Variants in PNISR observed in about 807,000 individuals in gnomAD.
The protein encoded by PNISR is PNN interacting serine and arginine rich protein, also known as arginine/serine-rich protein PNISR.
Under a neutral mutation model 93.4 loss-of-function variants are expected in PNISR, and 20 were observed. The observed-to-expected ratio is 0.21, with a 90% CI of 0.15 to 0.31. The LOEUF is 0.31. Among genes scored for constraint, PNISR ranks in the 10% least tolerant of loss-of-function variants. The pLI, the probability that PNISR is intolerant of heterozygous loss-of-function variation, is 1.00. For missense variants in PNISR, 893 were observed against 985.4 expected, an observed-to-expected ratio of 0.91 and a Z score of 1.25; for synonymous variants, 305 against 306.5, an observed-to-expected ratio of 0.99 and a Z score of 0.05.
chr6:99,424,259 G>A (rs1259402187), intron 1 of PNISR, among the ~76,000 whole-genome samples: 1 of 152,186 alleles, frequency 6.6e-6, no homozygotes. Flanking sequence ...ATGGACCTTA[G>A]TTAATAATTT....
chr6:99,420,047 G>T (rs1336652931), intron 1 of PNISR, among the ~76,000 whole-genome samples: 1 of 152,068 alleles, frequency 6.6e-6, no homozygotes, highest in Non-Finnish European at 1.5e-5. Context: ...ACCACGCCCG[G>T]CTAATTTTTT....
At chr6:99,412,175 A>G in intron 4 of PNISR, 1 of 448,216 alleles carries the variant, frequency 2.2e-6, no homozygotes, top group Non-Finnish European at 4.5e-6. Flanking sequence ...CAGTGACACA[A>G]TTTTTCTTTA....
At position 99,411,001 on chromosome 6, in the gene PNISR, G is replaced by T; in HGVS notation, c.278-37C>A. The T allele has an allele frequency of 1.4e-6, 2 of 1,457,308 alleles. No individual in the cohort carries two copies. The highest frequency in any genetic ancestry group is 1.9e-6 in the Non-Finnish European group (2 of 1,042,594). The allele number at this position is 1,457,308 out of a possible 1,614,324, so 90.3% of individuals were successfully genotyped here. A position where few individuals can be genotyped will look rare whatever the true frequency, so the allele number is the denominator to read the frequency against. ...TTAGGCATAAAAACATTCAACAGGC[G>T]GTTATAACAAAATCAACACAGAATT... On this transcript the variant is annotated intron_variant, in intron 4 of 11. Coordinates refer to ENST00000369239, the MANE Select transcript of PNISR (RefSeq NM_032870.4).
rs901260776 is a variant in PNISR at position 99,398,050 on chromosome 6, G to A, written c.*2490C>T. On this transcript the variant is annotated 3_prime_UTR_variant, in exon 12 of 12. Transcript: ENST00000369239. ...AGTGGCAGAAAACATATACACTAAC[G>A]AGATTCCACACCAATTTTTATTTAT... 2 of 152,060 alleles carry A rather than the reference G, an allele frequency of 1.3e-5. No individual in the cohort carries two copies. Among genetic ancestry groups the A allele is most frequent in the African/African-American group, 4.8e-5 (2 of 41,400 alleles). The allele number at this position is 152,060 out of a possible 1,614,324, so 9.4% of individuals were successfully genotyped here.
At chr6:99,414,214 G>A (rs925390745) in intron 3 of PNISR, among the ~76,000 whole-genome samples, 1 of 152,170 alleles carries the variant, frequency 6.6e-6, no homozygotes, top group African/African-American at 2.4e-5. Context: ...ATTTTAAAAT[G>A]ATATAGCACA....
At chr6:99,410,172 G>C (rs897392970) in intron 5 of PNISR, 1 of 152,390 alleles carries the variant, frequency 6.6e-6, no homozygotes, top group African/African-American at 2.4e-5. Context: ...CCCTGGCAGA[G>C]GGAATGAAGT....
At chr6:99,402,436 T>G (rs1302394038) in intron 11 of PNISR, 104 bp downstream of exon 11, 1 of 851,530 alleles carries the variant, frequency 1.2e-6, no homozygotes, top group African/African-American at 1.7e-5. Flanking sequence ...CACATATTAT[T>G]TATAATATAG....
At chr6:99,414,773 T>TA (rs1777446499) in intron 2 of PNISR, 83 bp from the exon 3 acceptor site, 1 of 590,364 alleles carries the variant, frequency 1.7e-6, no homozygotes, top group African/African-American at 1.9e-5. Flanking sequence ...TATATGATGA[T>TA]ACATTTATTT....
intron 1 of PNISR, among the ~76,000 whole-genome samples, chr6:99,417,421 T>C (rs1377868298): frequency 6.6e-6 from 1 of 152,224 alleles, no homozygotes; most frequent in African/African-American, 2.4e-5. Context: ...TGGTTCAGGA[T>C]GCCTACCTAC....
At position 99,401,072 on chromosome 6, in the gene PNISR, T is replaced by C. The variant is rs563273785; in HGVS notation, c.1886A>G (p.Asn629Ser). 190 of 1,613,754 alleles carry C rather than the reference T, an allele frequency of 1.2e-4. 1 individual carries two copies. In the South Asian group the frequency reaches 1.5e-3, roughly 12 times the overall value. The stretch of plus-strand genomic sequence containing the variant: ...TCGACTCCTACTGCGACTGGCACGA[T>C]TGGTTCGTCTATCCCTTGAGCGACT... ...SRSRSRDRRT[N>S]RASRSRSRDR... Residue 629 changes from asparagine to serine, a missense_variant, in exon 12 of 12, where the codon AAT becomes AGT. Transcript: ENST00000369239.
rs779611358 is a variant in PNISR at position 99,408,270 on chromosome 6, G to A, written c.675C>T (p.Asp225=). ...LPVKQEPPQI[D]AVKRRTLPAW... ...CGGGAAGAGTCCTGCGTTTTACTGC[G>A]TCTGTTTCACGTGGGAAAAATATAC... Residue 225 remains aspartate (D), a splice_region_variant and synonymous_variant, in exon 7 of 12, where the codon GAC becomes GAT. Transcript: ENST00000369239. The A allele has an allele frequency of 1.0e-5, 16 of 1,594,526 alleles. No individual in the cohort carries two copies. The highest frequency in any genetic ancestry group is 1.8e-5 in the Admixed American group (1 of 56,184).
At chr6:99,407,747 A>C (rs2128483488) in intron 7 of PNISR, among the ~76,000 whole-genome samples, 1 of 152,356 alleles carries the variant, frequency 6.6e-6, no homozygotes, top group African/African-American at 2.4e-5. Flanking sequence ...TGTTCAAAAG[A>C]GGGAGATTTT....
intron 5 of PNISR, chr6:99,410,435 TTAAA>T (rs1353040007): frequency 3.4e-6 from 1 of 290,160 alleles, no homozygotes; most frequent in Non-Finnish European, 6.5e-6. Context: ...TCTTTAACAT[TTAAA>T]TATACCATTT....
Position 99,409,214 on chromosome 6 carries a change from G to A in PNISR, c.632C>T (p.Ser211Leu), listed in dbSNP as rs949338809. The change falls in exon 6 of 12, where the codon TCA (serine) becomes TTA (leucine). Residue 211 changes from serine to leucine, a missense_variant. Physicochemically the swap from Ser to Leu is moderately radical, Grantham distance 145. Around this residue, in one of 3 missense-constraint regions of PNISR, gnomAD observed 866 missense variants for 935.1 expected, o/e 0.93. Coordinates refer to ENST00000369239, the MANE Select transcript of PNISR (RefSeq NM_032870.4). Reference protein sequence around the residue: ...RPSSFRDRQRSPIALPVKQEP... With the variant: ...RPSSFRDRQRLPIALPVKQEP... ...CTGCTTCACAGGAAGTGCAATAGGT[G>A]AACGCTGACGATCCCTGAATGATGA... 13 of 1,613,986 alleles carry A rather than the reference G, an allele frequency of 8.1e-6. No individual in the cohort carries two copies. Among genetic ancestry groups the A allele is most frequent in the Admixed American group, 1.7e-5 (1 of 60,010 alleles).
intron 3 of PNISR, among the ~76,000 whole-genome samples, chr6:99,413,630 T>C (rs1328311616): frequency 1.3e-5 from 2 of 152,216 alleles, no homozygotes; most frequent in East Asian, 3.8e-4. Flanking sequence ...CTGGCCTCTC[T>C]TCCCAAGCAT....
rs1353060459 is a variant in PNISR, at chr6:99,419,186, AAAAAG to A, written c.-111-2763_-111-2759del. ...AAAAAAAAAAAAAAAAAAAAAAAAAAAAAAGGGCAATTTACCATTATGGCATCTTA... is the reference window on the plus strand; with the variant it reads ...AAAAAAAAAAAAAAAAAAAAAAAAAAGGCAATTTACCATTATGGCATCTTA... On this transcript the variant is annotated intron_variant, in intron 1 of 11. Coordinates refer to ENST00000369239, the MANE Select transcript of PNISR (RefSeq NM_032870.4). Among the ~76,000 whole-genome samples, 40 of 53,310 alleles carry A rather than the reference AAAAAG, an allele frequency of 7.5e-4. 11 individuals carry two copies. The highest frequency in any genetic ancestry group is 1.4e-3 in the African/African-American group (15 of 11,082). The allele number at this position is 53,310 out of a possible 152,430, so 35.0% of individuals were successfully genotyped here.
In PNISR at chr6:99,399,389, T is replaced by C. The variant is rs1775200777; in HGVS notation, c.*1151A>G. Reference sequence around the variant, plus strand: ...ATCAGACAATTTTAATGTCAGGAAATTGACACAAACCTGCATAATACAGCA... The same window carrying C: ...ATCAGACAATTTTAATGTCAGGAAACTGACACAAACCTGCATAATACAGCA... On this transcript the variant is annotated 3_prime_UTR_variant, in exon 12 of 12. Transcript: ENST00000369239. 6.6e-6 allele frequency: 1 copy of C among 152,118 alleles called. No homozygotes were observed. The highest frequency in any genetic ancestry group is 2.4e-5 in the African/African-American group (1 of 41,448). 9.4% of individuals were successfully genotyped at this position (152,118 alleles called of 1,614,324 possible).
rs1775349907 is a variant in PNISR, at chr6:99,400,696, A to G, written c.2262T>C (p.Ser754=). 8 of 1,613,496 alleles carry G rather than the reference A, an allele frequency of 5.0e-6. No individual in the cohort carries two copies. Among genetic ancestry groups the G allele is most frequent in the Non-Finnish European group, 6.8e-6 (8 of 1,179,856 alleles). Reference sequence around the variant, plus strand: ...CAGAACTGCTCCTTCCACTAGAATCAGAGCCTGAATGTTTTTTACTATCTT... The same window carrying G: ...CAGAACTGCTCCTTCCACTAGAATCGGAGCCTGAATGTTTTTTACTATCTT... ...TTKDSKKHSG[S]DSSGRSSSES... The change falls in exon 12 of 12, where the codon TCT becomes TCC. Residue 754 remains serine, a synonymous_variant. Transcript: ENST00000369239.
At chr6:99,423,229 T>C (rs1342126128) in intron 1 of PNISR, among the ~76,000 whole-genome samples, 3 of 152,092 alleles carry the variant, frequency 2.0e-5, no homozygotes, top group Non-Finnish European at 2.9e-5. Flanking sequence ...CTGGTACAAT[T>C]TGAGCAACAA....
Sources: gnomAD v4.1 joint callset for allele counts (sites outside exome capture counted in the v4.1 genomes callset) on GRCh38, gnomAD v4.1.1 for gene constraint, gnomAD v4.1.1 regional missense constraint, MANE v1.5 for transcripts, NCBI Gene and HGNC (gene_info 2026-07-23, HGNC 2026-07-21) for gene names.